The following MMP26 variants were observed in gnomAD, a reference collection of about 807,000 sequenced individuals.
MMP26 encodes the protein matrix metalloproteinase-26.
MMP26 carries 33 observed loss-of-function variants against 31.0 expected under a neutral mutation model. That is an observed-to-expected ratio of 1.06 (90% CI 0.81 to 1.42). MMP26 has a LOEUF of 1.42. MMP26 is among the 40% of genes most tolerant of loss of function. The pLI, the probability that MMP26 is intolerant of heterozygous loss-of-function variation, is 0.00. For missense variants in MMP26, 347 were observed against 316.1 expected (o/e 1.10, Z -0.74); for synonymous variants, 122 against 114.9 (o/e 1.06, Z -0.40).
intron 2 of MMP26, among the ~76,000 whole-genome samples, chr11:4,929,867 T>C (rs1205782569): frequency 6.6e-6 from 1 of 152,148 alleles, no homozygotes; most frequent in African/African-American, 2.4e-5. Context: ...TTTAATTCAG[T>C]TAAGAAGTTC....
At chr11:4,844,868 C>T (rs570239398) in intron 2 of MMP26, among the ~76,000 whole-genome samples, 1 of 152,140 alleles carries the variant, frequency 6.6e-6, no homozygotes, top group South Asian at 2.1e-4. Context: ...TTCACTGTCA[C>T]CACTATTATT....
rs149699098 is a variant in MMP26, at chr11:4,802,587, C to G, written c.-145+35246C>G. On this transcript the variant is annotated intron_variant, in intron 2 of 7. Transcript: ENST00000380390. Reference sequence around the variant, plus strand: ...TGATAAGTACTAGGTGAACATCACACTGTATCACATAAATATGTAAAATCA... The same window carrying G: ...TGATAAGTACTAGGTGAACATCACAGTGTATCACATAAATATGTAAAATCA... 1.4e-4 allele frequency among the ~76,000 whole-genome samples: 21 copies of G among 152,076 alleles called. No homozygotes were observed. The East Asian group carries it at 4.1e-3, about 29-fold the overall frequency.
intron 2 of MMP26, among the ~76,000 whole-genome samples, chr11:4,962,338 C>G (rs1846532057): frequency 6.6e-6 from 1 of 152,188 alleles, no homozygotes; most frequent in Admixed American, 6.5e-5. Context: ...AAAACCCACT[C>G]TCACAACATT....
intron 2 of MMP26, among the ~76,000 whole-genome samples, chr11:4,826,649 C>T (rs1849581796): frequency 6.6e-6 from 1 of 152,032 alleles, no homozygotes; most frequent in Admixed American, 6.6e-5. Flanking sequence ...AGAGAAAAAC[C>T]TCTTCTTCTC....
chr11:4,863,201 T>A (rs1850188295), intron 2 of MMP26, among the ~76,000 whole-genome samples: 1 of 152,168 alleles, frequency 6.6e-6, no homozygotes, highest in African/African-American at 2.4e-5. Flanking sequence ...TGATTTTCAT[T>A]ACCTGAATCA....
chr11:4,923,428 G>A (rs759535009), intron 2 of MMP26: 1 of 1,596,110 alleles, frequency 6.3e-7, no homozygotes, highest in East Asian at 2.2e-5. Flanking sequence ...TCTTAATGAT[G>A]CGCTGGCGAA....
chr11:4,792,499 T>G (rs1849041821), intron 2 of MMP26, among the ~76,000 whole-genome samples: 1 of 152,152 alleles, frequency 6.6e-6, no homozygotes, highest in Non-Finnish European at 1.5e-5. Flanking sequence ...GAGCCTTGTT[T>G]GTGGGTTATG....
intron 2 of MMP26, chr11:4,882,357 G>C: frequency 6.2e-7 from 1 of 1,613,894 alleles, no homozygotes; most frequent in East Asian, 2.2e-5. Flanking sequence ...ATCTGCATTA[G>C]ACCAGCAGTT....
At chr11:4,738,720 C>G (rs1262527835) in intron 1 of MMP26, among the ~76,000 whole-genome samples, 1 of 152,040 alleles carries the variant, frequency 6.6e-6, no homozygotes, top group Non-Finnish European at 1.5e-5. Context: ...GTATTCATCT[C>G]TTCATTTTTT....
chr11:4,890,930 G>C (rs1850609515), intron 2 of MMP26, among the ~76,000 whole-genome samples: 1 of 150,000 alleles, frequency 6.7e-6, no homozygotes, highest in African/African-American at 2.4e-5. Flanking sequence ...AAATTGTATA[G>C]AGTCAGAATG....
chr11:4,957,347 T>C (rs7945456), intron 2 of MMP26, among the ~76,000 whole-genome samples: 22,697 of 152,200 alleles, frequency 0.15, 1,795 homozygotes, highest in South Asian at 0.18. Context: ...AGTTAATCTA[T>C]ATCTTCTGCT....
chr11:4,816,932 G>A (rs1589909761), intron 2 of MMP26, among the ~76,000 whole-genome samples: 1 of 150,514 alleles, frequency 6.6e-6, no homozygotes, highest in Middle Eastern at 3.4e-3. Context: ...GGATGTTCTC[G>A]ATTTCCTGAC....
At chr11:4,929,787 T>C (rs910439938) in intron 2 of MMP26, among the ~76,000 whole-genome samples, 5 of 152,038 alleles carry the variant, frequency 3.3e-5, no homozygotes, top group African/African-American at 4.8e-5. Context: ...TTATGCAAAG[T>C]ATAGTTTTTG....
intron 2 of MMP26, chr11:4,915,840 T>C: frequency 1.9e-6 from 1 of 515,482 alleles, no homozygotes; most frequent in Admixed American, 3.4e-5. Flanking sequence ...CCTCTCAGTA[T>C]CTTTTTGAGG....
intron 2 of MMP26, among the ~76,000 whole-genome samples, chr11:4,987,791 C>CT (rs528877588): frequency 9.2e-5 from 14 of 152,204 alleles, no homozygotes; most frequent in South Asian, 8.3e-4. Flanking sequence ...TGATTTTATT[C>CT]TTTTTTCTCT....
intron 2 of MMP26, among the ~76,000 whole-genome samples, chr11:4,783,679 G>T (rs1202158934): frequency 1.3e-5 from 2 of 152,168 alleles, no homozygotes; most frequent in African/African-American, 4.8e-5. Context: ...ATCTCATCTT[G>T]TATCTCCCAT....
intron 2 of MMP26, among the ~76,000 whole-genome samples, chr11:4,874,317 A>T (rs1447995935): frequency 6.6e-6 from 1 of 152,018 alleles, no homozygotes; most frequent in Admixed American, 6.6e-5. Context: ...CTGACTGACA[A>T]ATTTGGAGTG....
chr11:4,792,708 C>T (rs564543021), intron 2 of MMP26, among the ~76,000 whole-genome samples: 1 of 151,632 alleles, frequency 6.6e-6, no homozygotes, highest in Non-Finnish European at 1.5e-5. Context: ...CTGGGTAGAA[C>T]ATGAACTTCT....
chr11:4,839,871 T>G (rs1326086160), intron 2 of MMP26, among the ~76,000 whole-genome samples: 3 of 151,428 alleles, frequency 2.0e-5, no homozygotes, highest in Non-Finnish European at 4.4e-5. Context: ...GAGCAGGTTC[T>G]TGGGATCCCC....
Sources: allele counts gnomAD v4.1 joint callset (sites outside exome capture counted in the v4.1 genomes callset), GRCh38; gene constraint gnomAD v4.1.1; transcripts MANE v1.5; gene names NCBI Gene and HGNC (gene_info 2026-07-23, HGNC 2026-07-21).